ZFPM2: variants seen among roughly 807,000 people sequenced by gnomAD.
ZFPM2 encodes zinc finger protein ZFPM2.
In ZFPM2, 20 loss-of-function variants were observed where a neutral mutation model predicts 98.6. The observed-to-expected ratio is 0.20, with a 90% CI of 0.14 to 0.29. The LOEUF is 0.29. Ranked by LOEUF, ZFPM2 falls within the 10% of genes least tolerant of loss-of-function variation. ZFPM2 has a pLI of 1.00. For synonymous variants in ZFPM2, 518 were observed against 502.7 expected, an observed-to-expected ratio of 1.03 and a Z score of -0.41; for missense variants, 1,310 against 1,388.6, an observed-to-expected ratio of 0.94 and a Z score of 0.90.
intron 3 of ZFPM2, among the ~76,000 whole-genome samples, chr8:105,504,869 C>A (rs1813665342): frequency 6.6e-6 from 1 of 152,024 alleles, no homozygotes; most frequent in African/African-American, 2.4e-5. Context: ...TTGTATTTCC[C>A]ATAAATTATT....
At chr8:105,694,227 C>T (rs542547771) in intron 5 of ZFPM2, among the ~76,000 whole-genome samples, 63 of 152,024 alleles carry the variant, frequency 4.1e-4, no homozygotes, top group South Asian at 1.0e-3. Context: ...ACCTTGTGAT[C>T]TGCCCCCCGC....
At chr8:105,657,991 A>G (rs1189946780) in intron 5 of ZFPM2, among the ~76,000 whole-genome samples, 1 of 152,172 alleles carries the variant, frequency 6.6e-6, no homozygotes, top group African/African-American at 2.4e-5. Flanking sequence ...TTTTTTGTGT[A>G]TCAGCCATTA....
intron 3 of ZFPM2, among the ~76,000 whole-genome samples, chr8:105,528,273 T>G (rs1814218841): frequency 2.6e-5 from 4 of 152,056 alleles, no homozygotes; most frequent in Admixed American, 2.6e-4. Context: ...CAAAAGGCTA[T>G]GAAGAAAACT....
chr8:105,496,982 CAAAAAAAAAAAA>C (rs1207276670), intron 3 of ZFPM2, among the ~76,000 whole-genome samples: 1 of 31,508 alleles, frequency 3.2e-5, no homozygotes, highest in South Asian at 1.6e-3. Context: ...AACTCCGTCT[CAAAAAAAAAAAA>C]AAAAAAAAAA....
chr8:105,340,035 A>G (rs1267850127), intron 1 of ZFPM2, among the ~76,000 whole-genome samples: 1 of 151,884 alleles, frequency 6.6e-6, no homozygotes, highest in African/African-American at 2.4e-5. Context: ...TCTAGGAATA[A>G]AGGAAACTGG....
At chr8:105,636,410 G>A (rs1248243560) in intron 5 of ZFPM2, among the ~76,000 whole-genome samples, 3 of 152,104 alleles carry the variant, frequency 2.0e-5, no homozygotes, top group Admixed American at 6.6e-5. Flanking sequence ...GATGATAATA[G>A]CCACCATTTA....
intron 1 of ZFPM2, among the ~76,000 whole-genome samples, chr8:105,347,502 T>C (rs1812561872): frequency 1.3e-5 from 2 of 152,256 alleles, no homozygotes; most frequent in East Asian, 3.9e-4. Context: ...ACTCTGTTCC[T>C]CCTGACACCA....
At chr8:105,622,577 TC>T (rs1816574148) in intron 4 of ZFPM2, among the ~76,000 whole-genome samples, 1 of 152,158 alleles carries the variant, frequency 6.6e-6, no homozygotes, top group Non-Finnish European at 1.5e-5. Flanking sequence ...GATTCTGACT[TC>T]TTAGCATGCT....
In ZFPM2 at chr8:105,376,192, T is replaced by C. The variant is rs138758167; in HGVS notation, c.41-42952T>C. Among the ~76,000 whole-genome samples the C allele has an allele frequency of 3.9e-5, 6 of 152,304 alleles. No individual in the cohort carries two copies. In the East Asian group the frequency reaches 1.2e-3, roughly 30 times the overall value. On this transcript the variant is annotated intron_variant, in intron 1 of 7. Coordinates refer to ENST00000407775, the MANE Select transcript of ZFPM2 (RefSeq NM_012082.4). ...CCTAGCATCATTCAGCAAAGTTGAC[T>C]ACTCCCTCCTTCTTGAAGCACGTTC... is the stretch of plus-strand genomic sequence containing the variant.
chr8:105,708,422 G>C (rs1036027321), intron 5 of ZFPM2, among the ~76,000 whole-genome samples: 1 of 151,498 alleles, frequency 6.6e-6, no homozygotes, highest in African/African-American at 2.4e-5. Context: ...TTGGGGTTTC[G>C]TTGCCATTGT....
chr8:105,704,485 G>C (rs1230957525), intron 5 of ZFPM2, among the ~76,000 whole-genome samples: 3 of 152,152 alleles, frequency 2.0e-5, no homozygotes, highest in South Asian at 4.1e-4. Context: ...ATGTTAATTC[G>C]GTAACTACTT....
At chr8:105,766,952 G>A (rs1812866738) in intron 5 of ZFPM2, among the ~76,000 whole-genome samples, 1 of 151,846 alleles carries the variant, frequency 6.6e-6, no homozygotes, top group African/African-American at 2.4e-5. Context: ...AAATAGTCAA[G>A]CAAATTATGA....
chr8:105,500,452 G>T (rs1813567758), intron 3 of ZFPM2, among the ~76,000 whole-genome samples: 3 of 152,104 alleles, frequency 2.0e-5, no homozygotes, highest in South Asian at 2.1e-4. Context: ...GTCATTTCTG[G>T]CCTGTATCCC....
intron 1 of ZFPM2, among the ~76,000 whole-genome samples, chr8:105,371,237 A>G (rs919902157): frequency 6.6e-6 from 1 of 152,222 alleles, no homozygotes; most frequent in African/African-American, 2.4e-5. Flanking sequence ...ACAAAATTGT[A>G]TAACGAGGAG....
intron 3 of ZFPM2, among the ~76,000 whole-genome samples, chr8:105,550,018 G>T (rs1438684685): frequency 6.6e-6 from 1 of 152,100 alleles, no homozygotes; most frequent in Non-Finnish European, 1.5e-5. Context: ...AACATTGAAA[G>T]TCTGATTATC....
intron 3 of ZFPM2, among the ~76,000 whole-genome samples, chr8:105,464,949 T>TA (rs77152118): frequency 0.013 from 1,575 of 125,592 alleles, 25 homozygotes; most frequent in Admixed American, 0.034. Flanking sequence ...TTGAAAATGC[T>TA]AAAAAAAAAA....
chr8:105,674,676 T>C (rs781052571), intron 5 of ZFPM2, among the ~76,000 whole-genome samples: 1 of 152,152 alleles, frequency 6.6e-6, no homozygotes, highest in Non-Finnish European at 1.5e-5. Flanking sequence ...CATTGGTGGA[T>C]AGGATAGAGG....
chr8:105,457,450 T>G (rs2130284758), intron 3 of ZFPM2, among the ~76,000 whole-genome samples: 1 of 152,338 alleles, frequency 6.6e-6, no homozygotes, highest in South Asian at 2.1e-4. Flanking sequence ...AAGCGATGAC[T>G]TAGTCTACCT....
intron 6 of ZFPM2, among the ~76,000 whole-genome samples, chr8:105,794,572 T>C (rs1813731918): frequency 6.6e-6 from 1 of 152,206 alleles, no homozygotes; most frequent in Non-Finnish European, 1.5e-5. Context: ...TTCTCAGATC[T>C]CCAGCTGCAT....
Sources: allele counts gnomAD v4.1 joint callset (sites outside exome capture counted in the v4.1 genomes callset), GRCh38; gene constraint gnomAD v4.1.1; transcripts MANE v1.5; gene names NCBI Gene and HGNC (gene_info 2026-07-23, HGNC 2026-07-21).